The following SRFBP1 variants were observed in gnomAD, a reference collection of about 807,000 sequenced individuals.
SRFBP1 encodes the protein serum response factor binding protein 1.
In SRFBP1, 47 loss-of-function variants were observed where a neutral mutation model predicts 45.5. The observed-to-expected ratio is 1.03, with a 90% CI of 0.82 to 1.32. SRFBP1 has a LOEUF of 1.32. SRFBP1 is among the 40% of genes most tolerant of loss of function. The pLI is 0.00. For missense variants in SRFBP1, 621 were observed against 484.6 expected (o/e 1.28, Z -2.64); for synonymous variants, 203 against 166.3 (o/e 1.22, Z -1.70).
intron 2 of SRFBP1, among the ~76,000 whole-genome samples, chr5:122,050,438 C>A (rs1476243981): frequency 6.6e-6 from 1 of 152,104 alleles, no homozygotes; most frequent in African/African-American, 2.4e-5. Context: ...TTGGTCTATT[C>A]AGGGATTCAG....
intron 2 of SRFBP1, among the ~76,000 whole-genome samples, chr5:122,057,837 CCTGA>C (rs1349628607): frequency 6.6e-6 from 1 of 151,830 alleles, no homozygotes; most frequent in Non-Finnish European, 1.5e-5. Context: ...CACCACTACT[CCTGA>C]CTAATTTTTA....
intron 2 of SRFBP1, among the ~76,000 whole-genome samples, chr5:122,049,003 G>T (rs1014394713): frequency 2.0e-5 from 3 of 150,826 alleles, no homozygotes; most frequent in African/African-American, 7.3e-5. Context: ...TGAGCTCCTG[G>T]ATTCATTGAT....
intron 3 of SRFBP1, among the ~76,000 whole-genome samples, chr5:121,976,495 G>T (rs927465358): frequency 1.3e-5 from 2 of 151,622 alleles, no homozygotes; most frequent in African/African-American, 2.4e-5. Context: ...ATATTCCTAT[G>T]AGAAATAAAA....
At chr5:122,075,364 A>G in exon 3 of SRFBP1, 1 of 1,537,784 alleles carries the variant, frequency 6.5e-7, no homozygotes, top group South Asian at 1.3e-5. Flanking sequence ...CTGAGAAATG[A>G]AAAGCAACCC....
intron 3 of SRFBP1, among the ~76,000 whole-genome samples, chr5:121,986,487 G>A (rs1260766862): frequency 2.0e-5 from 3 of 152,052 alleles, no homozygotes; most frequent in African/African-American, 7.2e-5. Context: ...CATTCACCAT[G>A]TGGCCCAGCA....
rs1754314048 is a variant in SRFBP1, at chr5:122,066,820, T to G, written n.312-8495T>G. The G allele has an allele frequency of 1.0e-5, 10 of 977,848 alleles. No homozygotes were observed. In the East Asian group the frequency reaches 2.1e-4, roughly 21 times the overall value. 60.6% of individuals were successfully genotyped at this position (977,848 alleles called of 1,614,324 possible). A position where few individuals can be genotyped will look rare whatever the true frequency, so the allele number is the denominator to read the frequency against. On this transcript the variant is annotated intron_variant and non_coding_transcript_variant, in intron 2 of 2. Coordinates refer to the SRFBP1 transcript ENST00000504881. ...TAATGAATGAGTACAACAGACAAAT[T>G]TAAAGTCAACCTTTTAAAAACTTTA...
chr5:121,966,079 A>G (rs559469476), intron 1 of SRFBP1, among the ~76,000 whole-genome samples: 1 of 152,134 alleles, frequency 6.6e-6, no homozygotes, highest in South Asian at 2.1e-4. Context: ...GCTTAAGGAG[A>G]TTTGGGGCTG....
Position 122,027,217 on chromosome 5 carries a change from A to G in SRFBP1, c.*91A>G, listed in dbSNP as rs922512418. ...ATTCTGTTGCCCAGACTAGAGTACA[A>G]TATTGCAATCACAGCTCACTGCAGC... On this transcript the variant is annotated 3_prime_UTR_variant, in exon 8 of 8. Coordinates refer to ENST00000339397, the MANE Select transcript of SRFBP1 (RefSeq NM_152546.3). 22 of 1,050,720 alleles carry G rather than the reference A, an allele frequency of 2.1e-5. No individual in the cohort carries two copies. The highest frequency in any genetic ancestry group is 2.5e-4 in the Middle Eastern group (1 of 3,982). The allele number at this position is 1,050,720 out of a possible 1,614,324, so 65.1% of individuals were successfully genotyped here.
At chr5:122,075,650 T>C (rs1754596646), downstream of SRFBP1, 2 of 686,352 alleles carry the variant, frequency 2.9e-6, no homozygotes, top group Non-Finnish European at 4.5e-6. Context: ...CTTTCCCAAC[T>C]AGACTATCAG....
intron 2 of SRFBP1, among the ~76,000 whole-genome samples, chr5:122,050,566 T>C (rs560401839): frequency 1.3e-5 from 2 of 152,004 alleles, no homozygotes; most frequent in South Asian, 4.1e-4. Flanking sequence ...GTTTTATTTG[T>C]TTGTTTGTTT....
downstream of SRFBP1, among the ~76,000 whole-genome samples, chr5:122,031,662 C>T (rs571571291): frequency 6.6e-6 from 1 of 152,024 alleles, no homozygotes; most frequent in East Asian, 1.9e-4. Context: ...CCATACATGC[C>T]CAAGAGAATT....
chr5:122,055,452 G>A (rs921653207), intron 2 of SRFBP1, among the ~76,000 whole-genome samples: 1 of 152,114 alleles, frequency 6.6e-6, no homozygotes, highest in Non-Finnish European at 1.5e-5. Flanking sequence ...TTGTGGGGGT[G>A]GGAGGAGCTC....
chr5:122,073,933 TG>T, intron 2 of SRFBP1: 1 of 1,290,396 alleles, frequency 7.7e-7, no homozygotes. Flanking sequence ...CTTCATGAAA[TG>T]CTATTTAATG....
chr5:122,020,770 C>T lies in SRFBP1; in HGVS notation c.1035C>T (p.Phe345=), dbSNP rs754239402. ...CCAGAAAGTTAGAATCAGTGTTTTT[C>T]CACTCTTTATCTGGATCTAAAAGCT... is the stretch of plus-strand genomic sequence containing the variant. ...TETRKLESVF[F]HSLSGSKSSR... Residue 345 remains phenylalanine, a synonymous_variant, in exon 6 of 8, where the codon TTC becomes TTT. Transcript: ENST00000339397. 8 of 1,592,638 alleles carry T rather than the reference C, an allele frequency of 5.0e-6. No individual in the cohort carries two copies. The highest frequency in any genetic ancestry group is 1.4e-5 in the African/African-American group (1 of 73,692).
rs183039211 is a variant in SRFBP1 at position 122,009,445 on chromosome 5, C to T, written c.271-9815C>T. On this transcript the variant is annotated intron_variant, in intron 4 of 7. Coordinates refer to ENST00000339397, the MANE Select transcript of SRFBP1 (RefSeq NM_152546.3). ...CCCCCCTTTTCATGTTTTCTGCCTA[C>T]TTTTATTTGGTATTTTCTTACTATG... 1.1e-3 allele frequency among the ~76,000 whole-genome samples: 172 copies of T among 152,084 alleles called. 1 individual carries two copies. Among genetic ancestry groups the T allele is most frequent in the African/African-American group, 4.0e-3 (165 of 41,486 alleles).
At chr5:122,019,136 A>G (rs189597374) in intron 4 of SRFBP1, 124 bp from the exon 5 acceptor site, 239 of 765,194 alleles carry the variant, frequency 3.1e-4, no homozygotes, top group Non-Finnish European at 4.6e-4. Context: ...ATCTAAGGAG[A>G]ATATTAACTA....
At chr5:121,989,036 G>GAA (rs879776979) in intron 3 of SRFBP1, among the ~76,000 whole-genome samples, 1 of 149,490 alleles carries the variant, frequency 6.7e-6, no homozygotes, top group Non-Finnish European at 1.5e-5. Context: ...ACATTTATCT[G>GAA]AAAAAAAAAG....
intron 1 of SRFBP1, among the ~76,000 whole-genome samples, chr5:121,966,163 T>C (rs1209982208): frequency 1.3e-5 from 2 of 152,232 alleles, no homozygotes; most frequent in African/African-American, 4.8e-5. Flanking sequence ...CTCTTCCTAT[T>C]TGAATACGCT....
At chr5:122,042,920 A>G (rs965060118) in intron 2 of SRFBP1, among the ~76,000 whole-genome samples, 4 of 152,150 alleles carry the variant, frequency 2.6e-5, no homozygotes, top group African/African-American at 9.7e-5. Flanking sequence ...AGGCCTCAGA[A>G]GTCTTTCACC....
Sources: gnomAD v4.1 joint callset for allele counts (sites outside exome capture counted in the v4.1 genomes callset) on GRCh38, gnomAD v4.1.1 for gene constraint, MANE v1.5 for transcripts, NCBI Gene and HGNC (gene_info 2026-07-23, HGNC 2026-07-21) for gene names.